The following CFAP61 variants were observed in gnomAD, a reference collection of about 807,000 sequenced individuals.
The protein encoded by CFAP61 is cilia and flagella associated protein 61, also known as cilia- and flagella-associated protein 61.
CFAP61 carries 107 observed loss-of-function variants against 135.6 expected under a neutral mutation model. The ratio of observed to expected loss-of-function variants is 0.79; its 90% confidence interval spans 0.67 to 0.93. CFAP61 has a LOEUF of 0.93. Among genes scored for constraint, CFAP61 ranks in the 40% least tolerant of loss-of-function variants. CFAP61 has a pLI of 0.00. For synonymous variants in CFAP61, 575 were observed against 578.5 expected, an observed-to-expected ratio of 0.99 and a Z score of 0.09; for missense variants, 1,507 against 1,556.2, an observed-to-expected ratio of 0.97 and a Z score of 0.53.
At position 20,277,240 on chromosome 20, in the gene CFAP61, G is replaced by C. The variant is rs1427650245; in HGVS notation, c.2578G>C (p.Gly860Arg). 1.9e-6 allele frequency: 3 copies of C among 1,613,338 alleles called. No homozygotes were observed. The highest frequency in any genetic ancestry group is 2.5e-6 in the Non-Finnish European group (3 of 1,179,934). ...VETLLNLGVS[G>R]SRIHLVQPPP... The stretch of plus-strand genomic sequence containing the variant: ...GACGCTCTTAAACCTTGGCGTGAGC[G>C]GCAGCCGCATCCACCTCGTGCAGCC... The change falls in exon 22 of 27, where the codon GGC becomes CGC. Residue 860 changes from glycine (G) to arginine (R), a missense_variant. Transcript: ENST00000245957.
chr20:20,184,944 A>T (rs549288229), intron 13 of CFAP61, among the ~76,000 whole-genome samples: 3 of 152,178 alleles, frequency 2.0e-5, no homozygotes, highest in Non-Finnish European at 4.4e-5. Context: ...CAAGAAGCCA[A>T]CTATTTGGAG....
intron 17 of CFAP61, among the ~76,000 whole-genome samples, chr20:20,227,108 C>T (rs185183013): frequency 5.3e-5 from 8 of 151,928 alleles, no homozygotes; most frequent in South Asian, 2.1e-4. Flanking sequence ...AATGGCAAAG[C>T]GCATGGCCAC....
chr20:20,322,366 T>C (rs916077318), intron 25 of CFAP61, among the ~76,000 whole-genome samples: 1 of 152,182 alleles, frequency 6.6e-6, no homozygotes, highest in African/African-American at 2.4e-5. Context: ...AACATGACTG[T>C]TGGGGGCCTA....
At chr20:20,281,548 G>A (rs1052361628) in intron 22 of CFAP61, among the ~76,000 whole-genome samples, 4 of 152,068 alleles carry the variant, frequency 2.6e-5, no homozygotes, top group East Asian at 1.9e-4. Context: ...AGTGAATTAC[G>A]TTGATCGATT....
intron 15 of CFAP61, 60 bp downstream of exon 15, chr20:20,191,479 C>T (rs2055916211): frequency 6.6e-6 from 8 of 1,209,326 alleles, no homozygotes; most frequent in South Asian, 1.3e-5. Flanking sequence ...ATGAATTAGC[C>T]CACAGTGCCC....
At chr20:20,054,394 G>A (rs1035589626) in intron 1 of CFAP61, among the ~76,000 whole-genome samples, 17 of 137,994 alleles carry the variant, frequency 1.2e-4, no homozygotes, top group African/African-American at 5.2e-4. Context: ...GAATGAGCTA[G>A]GGATATATAT....
At chr20:20,184,487 G>A (rs1437147868) in intron 13 of CFAP61, 1 of 152,170 alleles carries the variant, frequency 6.6e-6, no homozygotes, top group East Asian at 1.9e-4. Flanking sequence ...AATAGAACAG[G>A]GAATGAGGAT....
At chr20:20,224,305 A>G (rs2048584277) in intron 17 of CFAP61, among the ~76,000 whole-genome samples, 1 of 152,100 alleles carries the variant, frequency 6.6e-6, no homozygotes, top group African/African-American at 2.4e-5. Context: ...TTCTCATCTC[A>G]GCCGGTCTCC....
chr20:20,230,885 AG>A lies in CFAP61; in HGVS notation c.2060+2510del, dbSNP rs2049083813. On this transcript the variant is annotated intron_variant, in intron 18 of 26. Coordinates refer to ENST00000245957, the MANE Select transcript of CFAP61 (RefSeq NM_015585.4). ...CCTTGTAGTCTTGAGCTGCATTGTC[AG>A]ACTCAGCAGGGGCATCATCATTCCT... is the stretch of plus-strand genomic sequence containing the variant. Among the ~76,000 whole-genome samples the A allele has an allele frequency of 2.6e-5, 4 of 152,320 alleles. No individual in the cohort carries two copies. The South Asian group carries it at 8.3e-4, about 32-fold the overall frequency.
At chr20:20,141,346 T>C (rs2051385542) in intron 8 of CFAP61, among the ~76,000 whole-genome samples, 1 of 152,252 alleles carries the variant, frequency 6.6e-6, no homozygotes, top group Non-Finnish European at 1.5e-5. Context: ...AAAAGCATCC[T>C]GCTCTTGTCA....
intron 17 of CFAP61, among the ~76,000 whole-genome samples, chr20:20,204,092 T>C (rs1451361912): frequency 6.6e-6 from 1 of 152,186 alleles, no homozygotes. Flanking sequence ...CATCATCCAC[T>C]TCAGTCACTT....
intron 25 of CFAP61, among the ~76,000 whole-genome samples, chr20:20,338,897 G>A (rs889392375): frequency 2.0e-5 from 3 of 152,210 alleles, no homozygotes; most frequent in African/African-American, 7.2e-5. Flanking sequence ...ATTCAGTTCC[G>A]CAAGTCAAAA....
At chr20:20,143,240 C>T (rs1832051906) in intron 9 of CFAP61, among the ~76,000 whole-genome samples, 1 of 152,184 alleles carries the variant, frequency 6.6e-6, no homozygotes, top group African/African-American at 2.4e-5. Flanking sequence ...GATAAAACTG[C>T]TCATTTAAAC....
At chr20:20,258,801 G>A (rs767183544) in intron 20 of CFAP61, among the ~76,000 whole-genome samples, 3 of 152,180 alleles carry the variant, frequency 2.0e-5, no homozygotes, top group Non-Finnish European at 4.4e-5. Context: ...CAGACACATG[G>A]TAACAGATGG....
rs185721580 is a variant in CFAP61 at position 20,294,651 on chromosome 20, G to A, written c.3217-3530G>A. 2.3e-4 allele frequency among the ~76,000 whole-genome samples: 35 copies of A among 152,242 alleles called. No individual in the cohort carries two copies. The East Asian group carries it at 4.6e-3, about 20-fold the overall frequency. On this transcript the variant is annotated intron_variant, in intron 24 of 26. Coordinates refer to ENST00000245957, the MANE Select transcript of CFAP61 (RefSeq NM_015585.4). ...CGTTTAAAAATAATACCAAAAGGTCGGGCGCGGTGGCTCACGCCTGTAATC... is the reference window on the plus strand; with the variant it reads ...CGTTTAAAAATAATACCAAAAGGTCAGGCGCGGTGGCTCACGCCTGTAATC...
At chr20:20,162,800 A>G (rs769082360) in intron 10 of CFAP61, among the ~76,000 whole-genome samples, 13 of 152,088 alleles carry the variant, frequency 8.5e-5, no homozygotes, top group Non-Finnish European at 1.5e-4. Flanking sequence ...CCAAGTGAAT[A>G]AAAACTAAGC....
chr20:20,079,892 T>TA (rs531902363), intron 6 of CFAP61, among the ~76,000 whole-genome samples: 241 of 152,296 alleles, frequency 1.6e-3, no homozygotes, highest in African/African-American at 5.4e-3. Context: ...TCCTGATTTA[T>TA]AAAGTGTCTC....
intron 6 of CFAP61, among the ~76,000 whole-genome samples, chr20:20,080,282 T>C (rs2046344268): frequency 2.6e-5 from 4 of 152,216 alleles, no homozygotes; most frequent in Admixed American, 1.3e-4. Context: ...CTGTTAATTA[T>C]ATTTTTCACT....
rs569335412 is a variant in CFAP61, at chr20:20,168,640, A to G, written c.1246-681A>G. ...TTTAATTTAAATGAATTTAAATGAAATAAAATTTAAAATTTAGTTCCTCCG... is the reference window on the plus strand; with the variant it reads ...TTTAATTTAAATGAATTTAAATGAAGTAAAATTTAAAATTTAGTTCCTCCG... On this transcript the variant is annotated intron_variant, in intron 12 of 26. Coordinates refer to ENST00000245957, the MANE Select transcript of CFAP61 (RefSeq NM_015585.4). Among the ~76,000 whole-genome samples, 4 of 152,358 alleles carry G rather than the reference A, an allele frequency of 2.6e-5. No homozygotes were observed. The East Asian group carries it at 7.7e-4, about 29-fold the overall frequency.
Sources: allele counts gnomAD v4.1 joint callset (sites outside exome capture counted in the v4.1 genomes callset), GRCh38; gene constraint gnomAD v4.1.1; transcripts MANE v1.5; gene names NCBI Gene and HGNC (gene_info 2026-07-23, HGNC 2026-07-21).